Variants in MTCL2 observed in about 807,000 individuals in gnomAD.
The protein encoded by MTCL2 is microtubule crosslinking factor 2.
At chr20:36,821,289 AGGTG>A in the MTCL2 span, among the ~76,000 whole-genome samples, 1 of 152,162 alleles carries the variant, frequency 6.6e-6, no homozygotes, top group East Asian at 1.9e-4. Flanking sequence ...TGGGAGGCCG[AGGTG>A]GGTGGATCAC....
chr20:36,854,698 C>T, the MTCL2 span, among the ~76,000 whole-genome samples: 1 of 152,068 alleles, frequency 6.6e-6, no homozygotes, highest in East Asian at 1.9e-4. Context: ...TGGGCCCCAA[C>T]CAGAGTAAAG....
the MTCL2 span, among the ~76,000 whole-genome samples, chr20:36,837,372 G>A: frequency 6.8e-6 from 1 of 146,894 alleles, no homozygotes; most frequent in African/African-American, 2.5e-5. Flanking sequence ...GCAGAGAGCA[G>A]TGAGGCCAAG....
At chr20:36,845,463 G>C in the MTCL2 span, among the ~76,000 whole-genome samples, 1 of 152,278 alleles carries the variant, frequency 6.6e-6, no homozygotes, top group African/African-American at 2.4e-5. Flanking sequence ...CTCTCCAGGG[G>C]GGCCTAGGCC....
the MTCL2 span, chr20:36,812,740 A>C: frequency 1.5e-5 from 25 of 1,614,008 alleles, no homozygotes; most frequent in African/African-American, 2.8e-4. Flanking sequence ...CAGCTCGGTA[A>C]GGCCTGAAGC....
At chr20:36,805,831 C>T in the MTCL2 span, 866 of 1,580,780 alleles carry the variant, frequency 5.5e-4, 4 homozygotes, top group East Asian at 2.0e-3. Flanking sequence ...ACAACAGGAC[C>T]GGGAAGGGGC....
At chr20:36,826,862 T>C in the MTCL2 span, among the ~76,000 whole-genome samples, 4 of 152,136 alleles carry the variant, frequency 2.6e-5, no homozygotes, top group East Asian at 1.9e-4. Flanking sequence ...GGGATATACC[T>C]AGAAGTGAGA....
chr20:36,789,415 A>G, the MTCL2 span, among the ~76,000 whole-genome samples: 1 of 152,136 alleles, frequency 6.6e-6, no homozygotes, highest in African/African-American at 2.4e-5. Context: ...TTATCCCACC[A>G]CTTTGGGAGA....
chr20:36,837,420 A>G, the MTCL2 span, among the ~76,000 whole-genome samples: 2 of 148,384 alleles, frequency 1.3e-5, no homozygotes, highest in South Asian at 4.5e-4. Flanking sequence ...GGGCTCTGCC[A>G]CCAACACACT....
the MTCL2 span, chr20:36,794,707 C>T: frequency 1.4e-5 from 20 of 1,404,570 alleles, no homozygotes; most frequent in African/African-American, 1.7e-4. This position sits in a 1 kb window ranked among gnomAD's most constrained non-coding sequence, Gnocchi z 5.4. Flanking sequence ...AGACCAGGAC[C>T]GTCTTGTTCA....
At chr20:36,777,755 G>A in the MTCL2 span, 2 of 589,046 alleles carry the variant, frequency 3.4e-6, no homozygotes, top group East Asian at 6.9e-5. Flanking sequence ...CAGGAAACCA[G>A]GCTGAGTGGG....
At chr20:36,845,405 A>C in the MTCL2 span, among the ~76,000 whole-genome samples, 1 of 152,246 alleles carries the variant, frequency 6.6e-6, no homozygotes, top group Non-Finnish European at 1.5e-5. Context: ...GCCCTTCACC[A>C]CAGTCAATTT....
the MTCL2 span, among the ~76,000 whole-genome samples, chr20:36,813,707 C>A: frequency 8.2e-6 from 1 of 122,616 alleles, no homozygotes; most frequent in Non-Finnish European, 1.6e-5. Context: ...GAGCTGAGAT[C>A]GTGCCACCGC....
chr20:36,838,175 C>T, the MTCL2 span, among the ~76,000 whole-genome samples: 5 of 152,092 alleles, frequency 3.3e-5, no homozygotes, highest in Middle Eastern at 3.2e-3. Context: ...CTCAGCCTCC[C>T]GAGTAGCTGG....
At chr20:36,824,700 T>G in the MTCL2 span, among the ~76,000 whole-genome samples, 5 of 152,106 alleles carry the variant, frequency 3.3e-5, 1 homozygote, top group African/African-American at 1.2e-4. Flanking sequence ...TCACCCAGGC[T>G]GGAGTACACT....
chr20:36,786,471 G>C, the MTCL2 span: 1 of 1,520,084 alleles, frequency 6.6e-7, no homozygotes, highest in Admixed American at 2.0e-5. Flanking sequence ...GAGGCGGGGA[G>C]CTTGGCTGCT....
chr20:36,854,931 AGG>A, the MTCL2 span, among the ~76,000 whole-genome samples: 1 of 152,068 alleles, frequency 6.6e-6, no homozygotes, highest in African/African-American at 2.4e-5. Context: ...GGGGGAGGGA[AGG>A]GGGGACACAG....
the MTCL2 span, chr20:36,793,279 G>A: frequency 1.3e-5 from 20 of 1,551,642 alleles, no homozygotes; most frequent in East Asian, 1.7e-4. This position sits in a 1 kb window ranked among gnomAD's most constrained non-coding sequence, Gnocchi z 6.8. Context: ...CTCCATCTCC[G>A]TCCCGGAGGA....
chr20:36,784,190 C>A, the MTCL2 span: 1 of 986,112 alleles, frequency 1.0e-6, no homozygotes, highest in Non-Finnish European at 1.2e-6. Context: ...GATGTGAATC[C>A]CCTCACCTGG....
the MTCL2 span, among the ~76,000 whole-genome samples, chr20:36,841,874 G>GGGGTGTGTGGGGGTGT: frequency 9.0e-6 from 1 of 110,768 alleles, no homozygotes; most frequent in Non-Finnish European, 2.0e-5. Context: ...TGGGGGGTGG[G>GGGGTGTGTGGGGGTGT]GTGTGTGTGT....
Sources: gnomAD v4.1 joint callset for allele counts (sites outside exome capture counted in the v4.1 genomes callset) on GRCh38, gnomAD v4.1.1 for gene constraint, Gnocchi (gnomAD v3.1) non-coding constraint, MANE v1.5 for transcripts, NCBI Gene and HGNC (gene_info 2026-07-23, HGNC 2026-07-21) for gene names.